SLC16A7: variants seen among roughly 807,000 people sequenced by gnomAD.
SLC16A7 encodes solute carrier family 16 member 7, also known as monocarboxylate transporter 2.
Under a neutral mutation model 34.9 loss-of-function variants are expected in SLC16A7, and 33 were observed. That is an observed-to-expected ratio of 0.94 (90% CI 0.72 to 1.26). The LOEUF (loss-of-function observed/expected upper bound fraction) is 1.26. SLC16A7 is among the 50% of genes most tolerant of loss of function. The pLI, the probability that SLC16A7 is intolerant of heterozygous loss-of-function variation, is 0.00. For synonymous variants in SLC16A7, 201 were observed against 206.6 expected, an observed-to-expected ratio of 0.97 and a Z score of 0.23; for missense variants, 573 against 578.1, an observed-to-expected ratio of 0.99 and a Z score of 0.09.
At position 59,777,975 on chromosome 12, in the gene SLC16A7, C is replaced by T. The variant is rs185763177; in HGVS notation, c.1181-1448C>T. 1.7e-3 allele frequency among the ~76,000 whole-genome samples: 264 copies of T among 152,106 alleles called. 1 individual carries two copies. The highest frequency in any genetic ancestry group is 5.7e-3 in the African/African-American group (235 of 41,496). On this transcript the variant is annotated intron_variant, in intron 5 of 5. Transcript: ENST00000547379. ...GTTTCATCCATGTCCCTACAGAGGA[C>T]ATGAACTCATCATTTTTTATGGCTG...
At chr12:59,654,867 G>T (rs185838029) in intron 1 of SLC16A7, among the ~76,000 whole-genome samples, 1 of 151,852 alleles carries the variant, frequency 6.6e-6, no homozygotes, top group Non-Finnish European at 1.5e-5. Context: ...ATTGTACTTG[G>T]GACAGAAAAT....
chr12:59,729,626 G>T (rs1002871378), intron 3 of SLC16A7, among the ~76,000 whole-genome samples: 1 of 151,974 alleles, frequency 6.6e-6, no homozygotes, highest in Non-Finnish European at 1.5e-5. Flanking sequence ...TCTAGTATAA[G>T]TTGCATAGAT....
At chr12:59,661,365 T>C (rs1868841169) in intron 2 of SLC16A7, among the ~76,000 whole-genome samples, 1 of 152,060 alleles carries the variant, frequency 6.6e-6, no homozygotes, top group Non-Finnish European at 1.5e-5. Context: ...TGGGTTTCAT[T>C]TTAGAGAAGA....
At chr12:59,669,651 G>GTCACACACACACACACACACACAC in intron 2 of SLC16A7, among the ~76,000 whole-genome samples, 1 of 60,948 alleles carries the variant, frequency 1.6e-5, no homozygotes, top group Non-Finnish European at 3.1e-5. Flanking sequence ...CCCATAGATA[G>GTCACACACACACACACACACACAC]TCACACACAC....
intron 4 of SLC16A7, among the ~76,000 whole-genome samples, chr12:59,773,176 A>G (rs959819138): frequency 2.0e-5 from 3 of 151,992 alleles, no homozygotes; most frequent in Non-Finnish European, 4.4e-5. Context: ...CTTACAAGCT[A>G]CTTGACCATA....
intron 2 of SLC16A7, among the ~76,000 whole-genome samples, chr12:59,683,234 T>A (rs1281951911): frequency 6.6e-6 from 1 of 152,140 alleles, no homozygotes; most frequent in African/African-American, 2.4e-5. Context: ...TTGAATAAAA[T>A]GTATGAAATT....
intron 1 of SLC16A7, among the ~76,000 whole-genome samples, chr12:59,629,447 C>T (rs1213955590): frequency 1.2e-4 from 18 of 151,940 alleles, no homozygotes; most frequent in Admixed American, 1.2e-3. Context: ...ACTGTCTTCT[C>T]ATATTTGTTT....
chr12:59,702,081 C>CT (rs1186377610), intron 2 of SLC16A7, among the ~76,000 whole-genome samples: 1 of 151,526 alleles, frequency 6.6e-6, no homozygotes, highest in Non-Finnish European at 1.5e-5. Context: ...TCTAGGGTTT[C>CT]TTTTTTTAAT....
chr12:59,607,794 AAGT>A (rs1879012245), intron 1 of SLC16A7, among the ~76,000 whole-genome samples: 1 of 152,160 alleles, frequency 6.6e-6, no homozygotes, highest in Non-Finnish European at 1.5e-5. Flanking sequence ...TAGCCAAATG[AAGT>A]AGATGTTATT....
At chr12:59,662,231 T>C (rs980493399) in intron 2 of SLC16A7, among the ~76,000 whole-genome samples, 3 of 152,116 alleles carry the variant, frequency 2.0e-5, no homozygotes, top group African/African-American at 7.2e-5. Flanking sequence ...TCAGTTACAA[T>C]GCGAAAAACA....
At chr12:59,712,869 CCTT>C (rs1874404636) in intron 3 of SLC16A7, among the ~76,000 whole-genome samples, 1 of 152,026 alleles carries the variant, frequency 6.6e-6, no homozygotes, top group African/African-American at 2.4e-5. Flanking sequence ...TTATTGAATG[CCTT>C]CTTCTTTAAC....
chr12:59,724,518 G>C (rs943202191), intron 3 of SLC16A7, among the ~76,000 whole-genome samples: 2 of 151,748 alleles, frequency 1.3e-5, no homozygotes, highest in South Asian at 2.1e-4. Flanking sequence ...ATGTTGCAAA[G>C]TGCAAAGTGC....
chr12:59,779,647 A>C lies in SLC16A7; in HGVS notation c.1405A>C (p.Ser469Arg). 1 of 1,611,126 alleles carries C rather than the reference A, an allele frequency of 6.2e-7. No homozygotes were observed. The highest frequency in any genetic ancestry group is 8.5e-7 in the Non-Finnish European group (1 of 1,177,956). Residue 469 changes from serine to arginine, a missense_variant, in exon 6 of 6, where the codon AGT becomes CGT. Physicochemically the swap from Ser to Arg is moderately radical, Grantham distance 110. Transcript: ENST00000547379. ...TAACGTCAAAGTTTCAAATGCACAG[A>C]GTGTAACCTCAGAAAGAGAAACTAA... ...DVNVKVSNAQ[S>R]VTSERETNI
chr12:59,637,674 G>A (rs1364250071), intron 1 of SLC16A7, among the ~76,000 whole-genome samples: 3 of 152,066 alleles, frequency 2.0e-5, no homozygotes, highest in East Asian at 1.9e-4. Flanking sequence ...AGGGAAAACC[G>A]TCTGTTTTAT....
At chr12:59,750,872 A>G (rs1592637973) in intron 3 of SLC16A7, among the ~76,000 whole-genome samples, 1 of 152,190 alleles carries the variant, frequency 6.6e-6, no homozygotes, top group African/African-American at 2.4e-5. Context: ...ATGGAATACT[A>G]TGTAGCCATA....
chr12:59,637,613 A>T (rs558490429), intron 1 of SLC16A7, among the ~76,000 whole-genome samples: 3 of 152,248 alleles, frequency 2.0e-5, no homozygotes, highest in Admixed American at 6.5e-5. Context: ...AATTTATTTA[A>T]TCAAAGTTTT....
chr12:59,771,619 CT>C, intron 4 of SLC16A7, among the ~76,000 whole-genome samples: 1 of 152,096 alleles, frequency 6.6e-6, no homozygotes. Context: ...CTTTAGTTTG[CT>C]TTTTTTCCTT....
Position 59,783,762 on chromosome 12 carries a change from C to CT in SLC16A7, c.*4084dup. ...TGCCTCCCAGGTTCAAGCAATTCTC[C>CT]TGCCTCAGCCTCCCGAGTAACTGGA... On this transcript the variant is annotated 3_prime_UTR_variant, in exon 6 of 6. Coordinates refer to ENST00000547379, the MANE Select transcript of SLC16A7 (RefSeq NM_001270623.2). 6.6e-6 allele frequency: 1 copy of CT among 152,210 alleles called. No homozygotes were observed. The highest frequency in any genetic ancestry group is 2.1e-4 in the South Asian group (1 of 4,820). 9.4% of individuals were successfully genotyped at this position (152,210 alleles called of 1,614,324 possible).
At chr12:59,660,628 T>C (rs1372573593) in intron 2 of SLC16A7, among the ~76,000 whole-genome samples, 1 of 151,960 alleles carries the variant, frequency 6.6e-6, no homozygotes, top group Non-Finnish European at 1.5e-5. Flanking sequence ...GCAGGATAGT[T>C]TGAGCCCAGG....
Sources: allele counts gnomAD v4.1 joint callset (sites outside exome capture counted in the v4.1 genomes callset), GRCh38; gene constraint gnomAD v4.1.1; transcripts MANE v1.5; gene names NCBI Gene and HGNC (gene_info 2026-07-23, HGNC 2026-07-21).